Variants in JAG1 observed in about 807,000 individuals in gnomAD.
JAG1 encodes jagged canonical Notch ligand 1.
JAG1 carries 23 observed loss-of-function variants against 148.7 expected under a neutral mutation model. That is an observed-to-expected ratio of 0.15 (90% CI 0.11 to 0.22). JAG1 has a LOEUF of 0.22. JAG1 is among the 10% of genes least tolerant of loss of function. JAG1 has a pLI of 1.00. For missense variants in JAG1, 1,054 were observed against 1,611.2 expected (o/e 0.65, Z 5.92); for synonymous variants, 572 against 598.3 (o/e 0.96, Z 0.64).
chr20:10,660,598 AG>A (rs2067409891), intron 3 of JAG1, among the ~76,000 whole-genome samples: 1 of 152,214 alleles, frequency 6.6e-6, no homozygotes, highest in African/African-American at 2.4e-5. Context: ...TCAGTCATGC[AG>A]TAAGCTTTCC....
At chr20:10,646,321 A>C (rs1467946888) in intron 14 of JAG1, 5 of 518,878 alleles carry the variant, frequency 9.6e-6, no homozygotes, top group Non-Finnish European at 1.7e-5. Flanking sequence ...TACTAGGTGA[A>C]AGTGGGGAAG....
At chr20:10,643,735 A>T (rs756949835) in intron 20 of JAG1, 43 bp downstream of exon 20, 1 of 1,471,308 alleles carries the variant, frequency 6.8e-7, no homozygotes, top group African/African-American at 1.4e-5. Flanking sequence ...CATGGAATGA[A>T]GCGGTAAAGC....
intron 2 of JAG1, among the ~76,000 whole-genome samples, chr20:10,670,765 T>C (rs537887524): frequency 6.6e-6 from 1 of 152,370 alleles, no homozygotes; most frequent in South Asian, 2.1e-4. Context: ...CCCATCGGTC[T>C]TCCCCCATTC....
chr20:10,640,514 G>C (rs1354171299), intron 25 of JAG1, among the ~76,000 whole-genome samples: 1 of 152,224 alleles, frequency 6.6e-6, no homozygotes, highest in African/African-American at 2.4e-5. Flanking sequence ...AGGACAAGCA[G>C]TGTCCTAGGG....
chr20:10,652,672 CT>C lies in JAG1; in HGVS notation c.756-75del, dbSNP rs1179517986. 9.9e-6 allele frequency: 15 copies of C among 1,517,112 alleles called. No homozygotes were observed. The Admixed American group carries it at 2.5e-4, about 26-fold the overall frequency. The allele number at this position is 1,517,112 out of a possible 1,614,324, so 94.0% of individuals were successfully genotyped here. ...ACACCTGTACAATTCAAATGGAAGA[CT>C]GCAAAGTCCAGGCTTTTTCTGTTTT... On this transcript the variant is annotated intron_variant, in intron 5 of 25. Coordinates refer to ENST00000254958, the MANE Select transcript of JAG1 (RefSeq NM_000214.3).
At chr20:10,664,273 CA>C (rs1246287809) in intron 2 of JAG1, among the ~76,000 whole-genome samples, 1 of 151,966 alleles carries the variant, frequency 6.6e-6, no homozygotes, top group Non-Finnish European at 1.5e-5. Flanking sequence ...GCAGGCAGCT[CA>C]AAGTTGAGAT....
Position 10,645,256 on chromosome 20 carries a change from C to T in JAG1, c.2114G>A (p.Arg705His), listed in dbSNP as rs1320720578. ...CGTGGCCTCATCACACTGACTGTCA[C>T]CTGGAGGAAAATATTTCAGTGTGAG... ...NGWKGKTCHS[R>H]DSQCDEATCN... Residue 705 changes from arginine (R) to histidine (H), a missense_variant and splice_region_variant, in exon 17 of 26, where the codon CGT (arginine) becomes CAT (histidine). Physicochemically the swap from Arg to His is conservative, Grantham distance 29. This residue lies in a region of JAG1 where 342 missense variants were observed against 514.6 expected (regional missense o/e 0.66). Transcript: ENST00000254958. This position sits in a 1 kb window ranked among gnomAD's most constrained non-coding sequence, Gnocchi z 6.1. 2 of 1,613,482 alleles carry T rather than the reference C, an allele frequency of 1.2e-6. No individual in the cohort carries two copies. The highest frequency in any genetic ancestry group is 8.5e-7 in the Non-Finnish European group (1 of 1,179,498).
chr20:10,640,739 A>G, intron 25 of JAG1, 44 bp downstream of exon 25: 1 of 1,585,444 alleles, frequency 6.3e-7, no homozygotes, highest in South Asian at 1.1e-5. Flanking sequence ...GTATAATGAG[A>G]TCATCTACTA....
chr20:10,648,507 T>G (rs757342145), intron 12 of JAG1, 42 bp downstream of exon 12: 37 of 1,569,176 alleles, frequency 2.4e-5, no homozygotes. Flanking sequence ...GCAGCGGCTC[T>G]GCTCTAAAAA....
intron 14 of JAG1, chr20:10,646,348 G>A: frequency 2.1e-6 from 1 of 481,724 alleles, no homozygotes; most frequent in Non-Finnish European, 3.8e-6. Context: ...CTACAGAAAA[G>A]AGGAATCACC....
intron 2 of JAG1, among the ~76,000 whole-genome samples, chr20:10,671,500 A>AG (rs1390618495): frequency 3.3e-5 from 5 of 152,134 alleles, no homozygotes; most frequent in African/African-American, 1.2e-4. Context: ...AGACACAGCC[A>AG]GATAGTCTCC....
In JAG1 at chr20:10,645,076, G is replaced by C; in HGVS notation, c.2227+67C>G. 6.6e-7 allele frequency: 1 copy of C among 1,517,416 alleles called. No individual in the cohort carries two copies. The allele number at this position is 1,517,416 out of a possible 1,614,324, so 94.0% of individuals were successfully genotyped here. A position where few individuals can be genotyped will look rare whatever the true frequency, so the allele number is the denominator to read the frequency against. The stretch of plus-strand genomic sequence containing the variant: ...CCCAGAGAAATATCATAAGCTCCAG[G>C]GGCCAACCAGCAGACACGCCCAGGT... On this transcript the variant is annotated intron_variant, in intron 17 of 25. Transcript: ENST00000254958. This position sits in a 1 kb window ranked among gnomAD's most constrained non-coding sequence, Gnocchi z 6.1.
In JAG1 at chr20:10,673,819, CT is replaced by C. The variant is rs1439872095; in HGVS notation, c.-290del. On this transcript the variant is annotated 5_prime_UTR_variant, in exon 1 of 26. Coordinates refer to ENST00000254958, the MANE Select transcript of JAG1 (RefSeq NM_000214.3). This position sits in a 1 kb window ranked among gnomAD's most constrained non-coding sequence, Gnocchi z 4.7. ...CCCGGCTTTCTTTCCTTCTCTCGCG[CT>C]CCCCTTCTTTTATTATTATGATTAT... The C allele has an allele frequency of 4.9e-6, 1 of 205,492 alleles. No individual in the cohort carries two copies. Among genetic ancestry groups the C allele is most frequent in the African/African-American group, 2.3e-5 (1 of 42,904 alleles). 12.7% of individuals were successfully genotyped at this position (205,492 alleles called of 1,614,324 possible).
At chr20:10,642,191 GAA>G (rs1190781280) in intron 21 of JAG1, among the ~76,000 whole-genome samples, 1 of 152,140 alleles carries the variant, frequency 6.6e-6, no homozygotes, top group Non-Finnish European at 1.5e-5. Flanking sequence ...TGGTCGAACT[GAA>G]CCCAACCCAC....
In JAG1 at chr20:10,644,263, C is replaced by A. The variant is rs188706905; in HGVS notation, c.2372+94G>T. On this transcript the variant is annotated intron_variant, in intron 19 of 25. Transcript: ENST00000254958. ...TCAGAACTTGCATTTTAAACACAAT[C>A]CCTGGGTGATTCTCACACACACACA... The A allele has an allele frequency of 1.9e-4, 201 of 1,079,884 alleles. 1 individual carries two copies. In the East Asian group the frequency reaches 4.9e-3, roughly 26 times the overall value. 66.9% of individuals were successfully genotyped at this position (1,079,884 alleles called of 1,614,324 possible).
At chr20:10,647,378 T>A in intron 13 of JAG1, 1 of 518,860 alleles carries the variant, frequency 1.9e-6, no homozygotes, top group South Asian at 2.1e-5. Flanking sequence ...CTTTGACATC[T>A]ACCCAATTTG....
chr20:10,665,327 G>C (rs1404132957), intron 2 of JAG1, among the ~76,000 whole-genome samples: 1 of 152,170 alleles, frequency 6.6e-6, no homozygotes, highest in Non-Finnish European at 1.5e-5. Flanking sequence ...GCCGAAATAT[G>C]TTTCATACTC....
At chr20:10,655,550 A>G (rs1312984596) in intron 5 of JAG1, among the ~76,000 whole-genome samples, 1 of 152,296 alleles carries the variant, frequency 6.6e-6, no homozygotes, top group Non-Finnish European at 1.5e-5. Context: ...TTAGTTTGGG[A>G]CATACTGGTT....
chr20:10,672,679 T>A lies in JAG1; in HGVS notation c.387+22A>T, dbSNP rs373132319. ...CGCGGGTGTGAGGCTCCGCCCGGCC[T>A]CCTTCCCGAGTAGTCACTCACCGGC... is the stretch of plus-strand genomic sequence containing the variant. On this transcript the variant is annotated intron_variant, in intron 2 of 25. Coordinates refer to ENST00000254958, the MANE Select transcript of JAG1 (RefSeq NM_000214.3). 2.9e-4 allele frequency: 465 copies of A among 1,610,644 alleles called. 1 individual carries two copies. The highest frequency in any genetic ancestry group is 3.7e-4 in the Non-Finnish European group (439 of 1,179,420).
Sources: gnomAD v4.1 joint callset for allele counts (sites outside exome capture counted in the v4.1 genomes callset) on GRCh38, gnomAD v4.1.1 for gene constraint, gnomAD v4.1.1 regional missense constraint, Gnocchi (gnomAD v3.1) non-coding constraint, MANE v1.5 for transcripts, NCBI Gene and HGNC (gene_info 2026-07-23, HGNC 2026-07-21) for gene names.